The following EVC variants were observed in gnomAD, a reference collection of about 807,000 sequenced individuals.
The protein encoded by EVC is evC complex member EVC.
EVC carries 116 observed loss-of-function variants against 118.9 expected under a neutral mutation model. That is an observed-to-expected ratio of 0.98 (90% CI 0.84 to 1.14). The LOEUF is 1.14. Among genes scored for constraint, EVC ranks in the 50% most tolerant of loss-of-function variants. The pLI is 0.00. For synonymous variants in EVC, 619 were observed against 534.7 expected, an observed-to-expected ratio of 1.16 and a Z score of -2.18; for missense variants, 1,401 against 1,246.4, an observed-to-expected ratio of 1.12 and a Z score of -1.87.
chr4:5,817,383 G>C (rs1183463493), downstream of EVC, among the ~76,000 whole-genome samples: 1 of 152,186 alleles, frequency 6.6e-6, no homozygotes, highest in Admixed American at 6.5e-5. Context: ...GGCTGCCTAA[G>C]TGGTTTGATA....
intron 5 of EVC, among the ~76,000 whole-genome samples, chr4:5,739,280 A>G (rs1482345048): frequency 1.3e-5 from 2 of 152,198 alleles, no homozygotes; most frequent in Non-Finnish European, 2.9e-5. Context: ...ATCTTATACC[A>G]TATCAGTCTT....
rs1472113917 is a variant in EVC at position 5,783,561 on chromosome 4, T to C, written c.1573T>C (p.Phe525Leu). 2.5e-6 allele frequency: 4 copies of C among 1,614,020 alleles called. No individual in the cohort carries two copies. Among genetic ancestry groups the C allele is most frequent in the Non-Finnish European group, 3.4e-6 (4 of 1,180,008 alleles). The change falls in exon 12 of 21, where the codon TTC becomes CTC. Residue 525 changes from phenylalanine to leucine, a missense_variant. By Grantham distance (22) the Phe-to-Leu change is conservative. Coordinates refer to ENST00000264956, the MANE Select transcript of EVC (RefSeq NM_153717.3). ...TGGTTCTCCGCTCCAGGAGCTGTAC[T>C]TCAGCACCGTGGACACTTTCCAGAA... The part of the protein sequence containing the change: ...AVVALCQELY[F>L]STVDTFQKFV...
chr4:5,796,995 C>G (rs775863968), intron 13 of EVC, 27 bp from the exon 14 acceptor site: 4 of 1,560,524 alleles, frequency 2.6e-6, no homozygotes, highest in South Asian at 1.1e-5. Context: ...GAGCATTGAC[C>G]CCACCCCTCA....
chr4:5,772,559 G>T (rs939075639), intron 11 of EVC, among the ~76,000 whole-genome samples: 2 of 151,930 alleles, frequency 1.3e-5, no homozygotes, highest in African/African-American at 4.8e-5. Flanking sequence ...CCTTAATCTG[G>T]CCCATCATGA....
intron 4 of EVC, among the ~76,000 whole-genome samples, chr4:5,732,119 C>T (rs1040329493): frequency 7.0e-6 from 1 of 142,234 alleles, no homozygotes; most frequent in African/African-American, 2.5e-5. Context: ...GTCATTTCCT[C>T]CAGTTCACAA....
chr4:5,790,299 T>A (rs1475530188), intron 12 of EVC, among the ~76,000 whole-genome samples: 1 of 152,172 alleles, frequency 6.6e-6, no homozygotes, highest in Admixed American at 6.6e-5. Flanking sequence ...TGGGAGTTAA[T>A]GAAATGTTCC....
At chr4:5,772,587 C>T (rs1235254158) in intron 11 of EVC, among the ~76,000 whole-genome samples, 4 of 152,084 alleles carry the variant, frequency 2.6e-5, no homozygotes, top group Non-Finnish European at 4.4e-5. Flanking sequence ...GCTTGGTCCA[C>T]GAGGCCCATC....
chr4:5,753,183 G>A, intron 9 of EVC, 131 bp downstream of exon 9: 1 of 893,044 alleles, frequency 1.1e-6, no homozygotes, highest in Non-Finnish European at 1.8e-6. Flanking sequence ...TTCTGCTTCT[G>A]CCCTAGGGAC....
intron 18 of EVC, 26 bp from the exon 19 acceptor site, chr4:5,809,492 A>C: frequency 6.2e-7 from 1 of 1,609,070 alleles, no homozygotes; most frequent in Non-Finnish European, 8.5e-7. Flanking sequence ...GGCCCAGCTG[A>C]ATGCTCCTCT....
At chr4:5,824,759 C>T in the EVC span, 80 of 984,810 alleles carry the variant, frequency 8.1e-5, no homozygotes, top group Non-Finnish European at 8.3e-5. Context: ...CTCTTAGTAC[C>T]CAGCACGGTG....
intron 11 of EVC, among the ~76,000 whole-genome samples, chr4:5,761,806 T>A (rs1243864105): frequency 1.3e-5 from 2 of 151,784 alleles, no homozygotes; most frequent in South Asian, 2.1e-4. Context: ...CCACCTCTCA[T>A]CCCGACCTTT....
chr4:5,827,893 G>T, the EVC span: 1 of 373,514 alleles, frequency 2.7e-6, no homozygotes, highest in Non-Finnish European at 3.7e-6. Flanking sequence ...CCTCTGAGTT[G>T]CTCTAAAGTT....
intron 11 of EVC, among the ~76,000 whole-genome samples, chr4:5,783,183 A>T (rs1333235770): frequency 6.6e-6 from 1 of 151,926 alleles, no homozygotes; most frequent in African/African-American, 2.4e-5. Context: ...CTATGCATGG[A>T]TGTATGTAGG....
chr4:5,793,533 A>T, intron 12 of EVC, 75 bp from the exon 13 acceptor site: 1 of 1,263,754 alleles, frequency 7.9e-7, no homozygotes, highest in Non-Finnish European at 1.1e-6. Context: ...AAGAAACAAA[A>T]TGCACAATCC....
rs900328843 is a variant in EVC, at chr4:5,742,137, T to C, written c.801+323T>C. The stretch of plus-strand genomic sequence containing the variant: ...GTTTATTGGTTATAGCTATGTATAC[T>C]ACTTTGTATTCTATTCTCAGTCTTT... On this transcript the variant is annotated intron_variant, in intron 6 of 20. Transcript: ENST00000264956. The surrounding 1 kb of genome is among the most constrained non-coding windows in gnomAD (Gnocchi z 5.2). Among the ~76,000 whole-genome samples the C allele has an allele frequency of 8.5e-5, 13 of 152,242 alleles. No individual in the cohort carries two copies. Among genetic ancestry groups the C allele is most frequent in the African/African-American group, 3.1e-4 (13 of 41,468 alleles).
At chr4:5,784,637 A>G (rs1216595174) in intron 12 of EVC, among the ~76,000 whole-genome samples, 4 of 137,214 alleles carry the variant, frequency 2.9e-5, no homozygotes, top group Admixed American at 2.3e-4. Flanking sequence ...TTGGAATGGA[A>G]TCTTGCTCTG....
At chr4:5,773,340 C>A (rs996408383) in intron 11 of EVC, among the ~76,000 whole-genome samples, 1 of 152,090 alleles carries the variant, frequency 6.6e-6, no homozygotes, top group Non-Finnish European at 1.5e-5. Flanking sequence ...CTAGGCTGGG[C>A]TTGATTAACT....
chr4:5,823,573 T>A, the EVC span, among the ~76,000 whole-genome samples: 1 of 152,254 alleles, frequency 6.6e-6, no homozygotes, highest in Non-Finnish European at 1.5e-5. Context: ...CATGAATGGC[T>A]TGGTGTCAGC....
At chr4:5,785,251 G>C (rs376043821) in intron 12 of EVC, among the ~76,000 whole-genome samples, 2 of 152,214 alleles carry the variant, frequency 1.3e-5, no homozygotes, top group African/African-American at 2.4e-5. Context: ...GCCTGCGTGA[G>C]CCTGGTGGGC....
Sources: gnomAD v4.1 joint callset for allele counts (sites outside exome capture counted in the v4.1 genomes callset) on GRCh38, gnomAD v4.1.1 for gene constraint, Gnocchi (gnomAD v3.1) non-coding constraint, MANE v1.5 for transcripts, NCBI Gene and HGNC (gene_info 2026-07-23, HGNC 2026-07-21) for gene names.